The following SYNE2 variants were observed in gnomAD, a reference collection of about 807,000 sequenced individuals.
SYNE2 encodes nesprin-2.
Under a neutral mutation model 856.3 loss-of-function variants are expected in SYNE2, and 431 were observed. The ratio of observed to expected loss-of-function variants is 0.50; its 90% confidence interval spans 0.47 to 0.55. The LOEUF (loss-of-function observed/expected upper bound fraction) is 0.55, where lower values mean the gene tolerates loss of function less well. SYNE2 is among the 20% of genes least tolerant of loss of function. SYNE2 has a pLI of 0.00. For synonymous variants in SYNE2, 2,923 were observed against 2,872.3 expected (o/e 1.02, Z -0.56); for missense variants, 8,129 against 8,023.2 (o/e 1.01, Z -0.50).
chr14:64,009,803 T>C (rs1243861200), intron 31 of SYNE2, among the ~76,000 whole-genome samples, 163 bp from the exon 32 acceptor site: 3 of 152,200 alleles, frequency 2.0e-5, no homozygotes, highest in Admixed American at 6.5e-5. Flanking sequence ...GATATATTGA[T>C]GTGCCATCAT....
intron 48 of SYNE2, 108 bp downstream of exon 48, chr14:64,053,765 A>C: frequency 9.0e-7 from 1 of 1,113,794 alleles, no homozygotes; most frequent in South Asian, 1.6e-5. Flanking sequence ...CCAAGTAGAG[A>C]CCAGCCTGGC....
intron 99 of SYNE2, among the ~76,000 whole-genome samples, chr14:64,197,390 C>T (rs1377564527): frequency 6.6e-6 from 1 of 152,198 alleles, no homozygotes; most frequent in Non-Finnish European, 1.5e-5. Flanking sequence ...GCAATGAGCT[C>T]AGACGTGTAT....
At chr14:64,076,399 T>C (rs2097459994) in intron 54 of SYNE2, among the ~76,000 whole-genome samples, 1 of 152,208 alleles carries the variant, frequency 6.6e-6, no homozygotes, top group African/African-American at 2.4e-5. Context: ...GTACAACCAC[T>C]GTACAACCAC....
Position 64,126,689 on chromosome 14 carries a change from C to T in SYNE2, c.13799C>T (p.Thr4600Ile). 1 of 1,614,202 alleles carries T rather than the reference C, an allele frequency of 6.2e-7. No individual in the cohort carries two copies. Among genetic ancestry groups the T allele is most frequent in the Non-Finnish European group, 8.5e-7 (1 of 1,180,030 alleles). The change falls in exon 73 of 116, where the codon ACC becomes ATC. Residue 4600 changes from threonine to isoleucine, a missense_variant. Coordinates refer to ENST00000555002, the MANE Select transcript of SYNE2 (RefSeq NM_182914.3). ...LKAMTWPGEN[T>I]NLLLECFDNL... is the part of the protein sequence containing the mutation. ...GCCATGACTTGGCCTGGCGAGAACA[C>T]CAACTTGCTCCTTGAATGTTTTGAC...
At chr14:64,010,796 G>A (rs1399989186) in intron 32 of SYNE2, among the ~76,000 whole-genome samples, 5 of 151,952 alleles carry the variant, frequency 3.3e-5, no homozygotes, top group African/African-American at 4.8e-5. Context: ...GCAACAACAC[G>A]CCCAGCTAAT....
chr14:64,206,607 T>C (rs1170865446), intron 100 of SYNE2, among the ~76,000 whole-genome samples: 1 of 152,068 alleles, frequency 6.6e-6, no homozygotes, highest in African/African-American at 2.4e-5. Context: ...TTATAAATTA[T>C]TGTAGAGTTC....
In SYNE2 at chr14:64,052,140, G is replaced by C; in HGVS notation, c.8227G>C (p.Ala2743Pro). 1 of 1,614,110 alleles carries C rather than the reference G, an allele frequency of 6.2e-7. No individual in the cohort carries two copies. The highest frequency in any genetic ancestry group is 8.5e-7 in the Non-Finnish European group (1 of 1,180,034). ...RNKMKETILW[A>P]KNLLGELNPS... is the part of the protein sequence containing the mutation. ...CAAGATGAAAGAGACTATCTTATGG[G>C]CCAAGAATTTGTTGGGTGAACTTAA... The change falls in exon 48 of 116, where the codon GCC (alanine) becomes CCC (proline). Residue 2743 changes from alanine to proline, a missense_variant. Physicochemically the swap from Ala to Pro is conservative, Grantham distance 27. This residue lies in a region of SYNE2 where 5,410 missense variants were observed against 5,284.8 expected (regional missense o/e 1.02). Transcript: ENST00000555002.
intron 1 of SYNE2, among the ~76,000 whole-genome samples, chr14:63,869,034 G>A (rs74058065): frequency 6.6e-6 from 1 of 152,160 alleles, no homozygotes; most frequent in African/African-American, 2.4e-5. Context: ...AAGCAGCTCC[G>A]AAGGGAAAGG....
In SYNE2 at chr14:64,087,745, A is replaced by G; in HGVS notation, c.11559A>G (p.Ile3853Met). The change falls in exon 58 of 116, where the codon ATA becomes ATG. Residue 3853 changes from isoleucine (I) to methionine (M), a missense_variant. Transcript: ENST00000555002. ...SIFMDLEDLS[I>M]IFETDELTQS... ...TTATGGATCTAGAAGACCTGTCAAT[A>G]ATTTTTGAAACAGATGAATTAACCC... 6.2e-7 allele frequency: 1 copy of G among 1,614,190 alleles called. No homozygotes were observed. The highest frequency in any genetic ancestry group is 1.1e-5 in the South Asian group (1 of 91,086).
intron 96 of SYNE2, among the ~76,000 whole-genome samples, chr14:64,177,933 T>G (rs2153733932): frequency 6.6e-6 from 1 of 152,340 alleles, no homozygotes; most frequent in Non-Finnish European, 1.5e-5. Context: ...TATATATTCT[T>G]CCTAATGAAT....
chr14:64,052,152 T>A lies in SYNE2; in HGVS notation c.8239T>A (p.Leu2747Met). Residue 2747 changes from leucine to methionine, a missense_variant, in exon 48 of 116, where the codon TTG (leucine) becomes ATG (methionine). Leu to Met is a conservative substitution (Grantham distance 15, BLOSUM62 2). Around this residue, in one of 3 missense-constraint regions of SYNE2, gnomAD observed 5,410 missense variants for 5,284.8 expected, o/e 1.02. Coordinates refer to ENST00000555002, the MANE Select transcript of SYNE2 (RefSeq NM_182914.3). ...GACTATCTTATGGGCCAAGAATTTG[T>A]TGGGTGAACTTAATCCCTCCATTCC... ...KETILWAKNL[L>M]GELNPSIPLL... The A allele has an allele frequency of 1.2e-6, 2 of 1,614,148 alleles. No individual in the cohort carries two copies. The highest frequency in any genetic ancestry group is 1.1e-5 in the South Asian group (1 of 91,082).
intron 6 of SYNE2, among the ~76,000 whole-genome samples, chr14:63,948,706 GTA>G (rs74187746): frequency 1.6e-4 from 13 of 83,304 alleles, no homozygotes; most frequent in South Asian, 4.3e-4. Flanking sequence ...ATATATATAT[GTA>G]TATATATATG....
rs140174131 is a variant in SYNE2, at chr14:64,108,817, A to G, written c.12609+1210A>G. On this transcript the variant is annotated intron_variant, in intron 65 of 115. Coordinates refer to ENST00000555002, the MANE Select transcript of SYNE2 (RefSeq NM_182914.3). ...TGTCAGAGGTTTACACCCAGTGGCA[A>G]TGCTTAGGTCTAAGGAAGTTGCTGA... 1.7e-3 allele frequency among the ~76,000 whole-genome samples: 247 copies of G among 146,844 alleles called. 1 individual carries two copies. Among genetic ancestry groups the G allele is most frequent in the African/African-American group, 5.8e-3 (231 of 39,882 alleles).
At chr14:64,080,315 T>C in intron 55 of SYNE2, 141 bp from the exon 56 acceptor site, 1 of 878,640 alleles carries the variant, frequency 1.1e-6, no homozygotes, top group Non-Finnish European at 1.9e-6. Context: ...TTGCTGGGTA[T>C]AAATTAACAA....
At chr14:63,825,718 T>TA (rs1169020076) in intron 1 of SYNE2, among the ~76,000 whole-genome samples, 1 of 151,730 alleles carries the variant, frequency 6.6e-6, no homozygotes, top group Non-Finnish European at 1.5e-5. Context: ...TACTAAAAAA[T>TA]ACAAAAATTA....
At position 64,140,159 on chromosome 14, in the gene SYNE2, C is replaced by T. The variant is rs8018585; in HGVS notation, c.14976+86C>T. ...GCATCAGGGTTGATGTGATAGTCTT[C>T]GTATTTATTTGTGGATAAGGGGTAA... On this transcript the variant is annotated intron_variant, in intron 80 of 115. Transcript: ENST00000555002. 1.9e-3 allele frequency: 2,571 copies of T among 1,380,678 alleles called. 36 individuals are homozygous for T. The African/African-American group carries it at 0.027, about 14-fold the overall frequency. 85.5% of individuals were successfully genotyped at this position (1,380,678 alleles called of 1,614,324 possible).
intron 76 of SYNE2, among the ~76,000 whole-genome samples, chr14:64,130,625 T>C (rs1962134): frequency 0.4 from 61,199 of 151,970 alleles, 15,796 homozygotes; most frequent in African/African-American, 0.73. Context: ...TGGCTTATGC[T>C]TGTAATCCCA....
intron 100 of SYNE2, chr14:64,207,847 T>A (rs1325189777): frequency 4.4e-5 from 16 of 362,932 alleles, no homozygotes; most frequent in Non-Finnish European, 8.1e-5. Flanking sequence ...AATTTGGATA[T>A]TAAAATTAAT....
chr14:63,967,785 T>C lies in SYNE2; in HGVS notation c.1067T>C (p.Leu356Pro), dbSNP rs368015444. ...FLDVLSIKRD[L>P]DELDKDHLQL... The stretch of plus-strand genomic sequence containing the variant: ...GATGTCCTGTCAATAAAACGGGATC[T>C]GGATGAGCTGGACAAGGATCATTTA... Residue 356 changes from leucine to proline, a missense_variant, in exon 11 of 116, where the codon CTG becomes CCG. Transcript: ENST00000555002. 1.5e-5 allele frequency: 25 copies of C among 1,614,148 alleles called. 1 individual carries two copies. In the African/African-American group the frequency reaches 3.1e-4, roughly 20 times the overall value.
Sources: allele counts gnomAD v4.1 joint callset (sites outside exome capture counted in the v4.1 genomes callset), GRCh38; gene constraint gnomAD v4.1.1; regional missense constraint gnomAD v4.1.1; transcripts MANE v1.5; gene names NCBI Gene and HGNC (gene_info 2026-07-23, HGNC 2026-07-21).